The following KALRN variants were observed in gnomAD, a reference collection of about 807,000 sequenced individuals.
KALRN encodes the protein kalirin RhoGEF kinase, also known as kalirin.
A neutral mutation model predicts 353.7 loss-of-function variants in KALRN; 70 were observed. The ratio of observed to expected loss-of-function variants is 0.20; its 90% confidence interval spans 0.16 to 0.24. KALRN has a LOEUF of 0.24. Among genes scored for constraint, KALRN ranks in the 10% least tolerant of loss-of-function variants. KALRN has a pLI of 1.00. For synonymous variants in KALRN, 1,391 were observed against 1,434.8 expected (o/e 0.97, Z 0.69); for missense variants, 2,791 against 3,756.7 (o/e 0.74, Z 6.72).
chr3:124,709,485 C>A (rs2062791288), intron 57 of KALRN, among the ~76,000 whole-genome samples: 1 of 152,062 alleles, frequency 6.6e-6, no homozygotes, highest in African/African-American at 2.4e-5. Flanking sequence ...ACCATGTTGT[C>A]CAGGCTGGTC....
intron 43 of KALRN, 28 bp from the exon 44 acceptor site, chr3:124,660,895 A>G (rs756678955): frequency 1.6e-5 from 25 of 1,564,036 alleles, no homozygotes; most frequent in Non-Finnish European, 3.5e-6. Context: ...CCCTTCCCAC[A>G]CTCTTGCCTG....
Position 124,671,753 on chromosome 3 carries a change from C to T in KALRN, c.6797C>T (p.Pro2266Leu). ...AGGCTTCCCCAAGCCAGCCCCAGGC[C>T]CTACTCCTCTGTTCCTGCGGGCTCA... ...PARLPQASPR[P>L]YSSVPAGSEK... is the part of the protein sequence containing the mutation. Residue 2266 changes from proline (P) to leucine (L), a missense_variant, in exon 48 of 60, where the codon CCC (proline) becomes CTC (leucine). By Grantham distance (98) the Pro-to-Leu change is moderately conservative. Transcript: ENST00000682506. 6.2e-7 allele frequency: 1 copy of T among 1,614,104 alleles called. No homozygotes were observed. Among genetic ancestry groups the T allele is most frequent in the Middle Eastern group, 1.6e-4 (1 of 6,062 alleles).
At chr3:124,641,883 A>G (rs1354395737) in intron 37 of KALRN, among the ~76,000 whole-genome samples, 2 of 152,192 alleles carry the variant, frequency 1.3e-5, no homozygotes, top group Non-Finnish European at 2.9e-5. Context: ...AGTTTGAGAA[A>G]CAAGAGCTTC....
chr3:124,656,502 T>A (rs2084055432), intron 39 of KALRN, among the ~76,000 whole-genome samples: 1 of 152,108 alleles, frequency 6.6e-6, no homozygotes, highest in Non-Finnish European at 1.5e-5. Context: ...TCCCAGCTAC[T>A]CAGGAGGCCG....
intron 14 of KALRN, among the ~76,000 whole-genome samples, chr3:124,414,799 G>A (rs772865157): frequency 1.3e-5 from 2 of 152,158 alleles, no homozygotes; most frequent in African/African-American, 2.4e-5. Context: ...AGGTTCCTCA[G>A]TCTCCAACAC....
intron 22 of KALRN, among the ~76,000 whole-genome samples, chr3:124,455,860 T>C (rs1476069033): frequency 6.6e-6 from 1 of 152,186 alleles, no homozygotes; most frequent in Non-Finnish European, 1.5e-5. Context: ...AATCTCTTCT[T>C]TATAATAGGG....
intron 13 of KALRN, 65 bp from the exon 14 acceptor site, chr3:124,413,405 G>A: frequency 2.2e-6 from 3 of 1,371,430 alleles, no homozygotes; most frequent in South Asian, 1.3e-5. Context: ...GGAATTGTGA[G>A]CCTTAACCTA....
At chr3:124,202,369 C>T (rs1327596090) in intron 1 of KALRN, among the ~76,000 whole-genome samples, 6 of 152,072 alleles carry the variant, frequency 3.9e-5, no homozygotes, top group Admixed American at 3.3e-4. Flanking sequence ...TCCCACCTCA[C>T]CCTCCCAAGT....
chr3:124,500,408 C>T (rs115512087), intron 33 of KALRN, among the ~76,000 whole-genome samples: 1,536 of 152,294 alleles, frequency 0.01, 25 homozygotes, highest in African/African-American at 0.035. Flanking sequence ...ATGCCCAACA[C>T]CCCTCCTCAT....
chr3:124,333,279 A>G (rs925504245), intron 8 of KALRN, among the ~76,000 whole-genome samples: 1 of 152,332 alleles, frequency 6.6e-6, no homozygotes, highest in Non-Finnish European at 1.5e-5. Context: ...AACCATATCA[A>G]TGGTGATGAT....
chr3:124,075,811 CT>C (rs1403151116), intron 1 of KALRN, among the ~76,000 whole-genome samples: 9 of 152,330 alleles, frequency 5.9e-5, no homozygotes, highest in Admixed American at 3.9e-4. Flanking sequence ...GCAGCACAAG[CT>C]GTAGAGAGGG....
intron 1 of KALRN, among the ~76,000 whole-genome samples, chr3:124,201,430 C>A (rs900436073): frequency 6.6e-6 from 1 of 152,178 alleles, no homozygotes; most frequent in Non-Finnish European, 1.5e-5. Context: ...CCTGGTCACT[C>A]CAGTGTCTTG....
intron 47 of KALRN, among the ~76,000 whole-genome samples, chr3:124,668,182 A>G (rs1033370824): frequency 6.6e-6 from 1 of 152,154 alleles, no homozygotes; most frequent in Non-Finnish European, 1.5e-5. Context: ...ACACACAGGT[A>G]CATGCATGTA....
chr3:124,059,530 T>C (rs915329534), intron 1 of KALRN, among the ~76,000 whole-genome samples: 7 of 152,246 alleles, frequency 4.6e-5, no homozygotes, highest in Non-Finnish European at 7.3e-5. Flanking sequence ...AAATTTTGTA[T>C]TCTTTGACCA....
At chr3:124,088,688 A>G (rs2060950121) in intron 1 of KALRN, among the ~76,000 whole-genome samples, 1 of 152,188 alleles carries the variant, frequency 6.6e-6, no homozygotes, top group Admixed American at 6.5e-5. Context: ...AGAAACTGAG[A>G]TGTGGGAAGT....
chr3:124,435,180 G>A (rs1329039053), intron 17 of KALRN, among the ~76,000 whole-genome samples: 2 of 152,250 alleles, frequency 1.3e-5, no homozygotes, highest in South Asian at 4.1e-4. Context: ...AAGGTTGGGA[G>A]AGGAGAATGA....
chr3:124,094,790 T>C (rs1328020840), intron 1 of KALRN: 1 of 1,525,968 alleles, frequency 6.6e-7, no homozygotes, highest in Admixed American at 1.7e-5. Flanking sequence ...GGTGGTGGGA[T>C]GAGGCTCTGC....
chr3:124,365,045 C>T (rs2149713545), intron 10 of KALRN, among the ~76,000 whole-genome samples: 1 of 152,302 alleles, frequency 6.6e-6, no homozygotes. Flanking sequence ...CCAAGTATGA[C>T]CTCAGCATTA....
At chr3:124,346,538 G>A (rs761902422) in intron 9 of KALRN, among the ~76,000 whole-genome samples, 5 of 152,166 alleles carry the variant, frequency 3.3e-5, no homozygotes, top group Non-Finnish European at 5.9e-5. Context: ...TTGGTTGGTT[G>A]GTTGGTATCG....
Sources: gnomAD v4.1 joint callset for allele counts (sites outside exome capture counted in the v4.1 genomes callset) on GRCh38, gnomAD v4.1.1 for gene constraint, MANE v1.5 for transcripts, NCBI Gene and HGNC (gene_info 2026-07-23, HGNC 2026-07-21) for gene names.